Variants in KIAA0040 observed in about 807,000 individuals in gnomAD.
The protein encoded by KIAA0040 is uncharacterized protein KIAA0040.
In KIAA0040, 10 loss-of-function variants were observed where a neutral mutation model predicts 7.2. That is an observed-to-expected ratio of 1.38 (90% confidence interval 0.85 to 2.34). The LOEUF (loss-of-function observed/expected upper bound fraction) is 2.34, where lower values mean the gene tolerates loss of function less well. Ranked by LOEUF, KIAA0040 falls within the 30% of genes most tolerant of loss-of-function variation. KIAA0040 has a pLI of 0.00. For synonymous variants in KIAA0040, 49 were observed against 40.1 expected (o/e 1.22, Z -0.84); for missense variants, 89 against 108.2 (o/e 0.82, Z 0.79).
intron 1 of KIAA0040, among the ~76,000 whole-genome samples, chr1:175,191,608 A>G (rs1677869240): frequency 1.3e-5 from 2 of 152,356 alleles, no homozygotes; most frequent in South Asian, 4.1e-4. Flanking sequence ...GAACTTGCAA[A>G]CCATTTGCAA....
chr1:175,167,620 A>C (rs1676817599), intron 2 of KIAA0040, among the ~76,000 whole-genome samples: 1 of 152,058 alleles, frequency 6.6e-6, no homozygotes, highest in South Asian at 2.1e-4. Context: ...CATAAAGAAC[A>C]CTCTCTCTGA....
intron 2 of KIAA0040, among the ~76,000 whole-genome samples, chr1:175,177,007 T>C (rs1205737223): frequency 6.6e-6 from 1 of 152,180 alleles, no homozygotes; most frequent in Non-Finnish European, 1.5e-5. Flanking sequence ...CCCCTCATTC[T>C]TTCCCATCCA....
Position 175,160,788 on chromosome 1 carries a change from C to CCTT in KIAA0040, c.223_225dup (p.Lys75dup), listed in dbSNP as rs150137790. 0.15 allele frequency: 206,735 copies of CCTT among 1,424,472 alleles called. 4,836 individuals carry two copies. Among genetic ancestry groups the CCTT allele is most frequent in the East Asian group, 0.27 (10,557 of 39,152 alleles). The allele number at this position is 1,424,472 out of a possible 1,614,324, so 88.2% of individuals were successfully genotyped here. A position where few individuals can be genotyped will look rare whatever the true frequency, so the allele number is the denominator to read the frequency against. ...GCAGAGATCCAGAGGTCTTCTTCAT[C>CCTT]CTTCTTCTTCTTCTTCTTCTTCTTC... is the stretch of plus-strand genomic sequence containing the variant. On this transcript the variant is annotated inframe_insertion, in exon 4 of 4. Coordinates refer to ENST00000423313, the MANE Select transcript of KIAA0040 (RefSeq NM_014656.3).
chr1:175,175,857 C>A (rs1450669276), intron 2 of KIAA0040, among the ~76,000 whole-genome samples: 1 of 151,860 alleles, frequency 6.6e-6, no homozygotes, highest in Non-Finnish European at 1.5e-5. Context: ...AGGGGAACAT[C>A]ACACACTGGG....
In KIAA0040 at chr1:175,161,033, G is replaced by C; in HGVS notation, c.-20C>G. 6.5e-7 allele frequency: 1 copy of C among 1,538,330 alleles called. No individual in the cohort carries two copies. The highest frequency in any genetic ancestry group is 2.5e-5 in the East Asian group (1 of 40,720). On this transcript the variant is annotated 5_prime_UTR_variant, in exon 4 of 4. Coordinates refer to ENST00000423313, the MANE Select transcript of KIAA0040 (RefSeq NM_014656.3). ...CTCCATGGTGCTTGGCTAGATTAGG[G>C]CCAGAGAACCCTCTCGGCTTACAAG...
Position 175,190,916 on chromosome 1 carries a change from T to C in KIAA0040, c.-384+1724A>G, listed in dbSNP as rs761404979. On this transcript the variant is annotated intron_variant, in intron 1 of 3. Coordinates refer to ENST00000423313, the MANE Select transcript of KIAA0040 (RefSeq NM_014656.3). ...TACCTGCCATTGACTTTGCATACCC[T>C]CTTTCCTTTGTTCAAAACACACTTT... Among the ~76,000 whole-genome samples the C allele has an allele frequency of 2.4e-4, 37 of 152,182 alleles. 1 individual carries two copies. The highest frequency in any genetic ancestry group is 6.5e-4 in the Admixed American group (10 of 15,284).
chr1:175,167,563 G>C (rs1676815462), intron 2 of KIAA0040, among the ~76,000 whole-genome samples: 1 of 152,200 alleles, frequency 6.6e-6, no homozygotes, highest in South Asian at 2.1e-4. Flanking sequence ...TTTGCTGTGA[G>C]AGCCACGGGG....
At chr1:175,162,783 T>A (rs2101876398) in intron 3 of KIAA0040, among the ~76,000 whole-genome samples, 1 of 152,338 alleles carries the variant, frequency 6.6e-6, no homozygotes, top group Middle Eastern at 3.4e-3. Flanking sequence ...AGTCCTAGTC[T>A]GCTGGCATGT....
intron 3 of KIAA0040, among the ~76,000 whole-genome samples, chr1:175,162,889 T>C (rs143124767): frequency 1.8e-3 from 273 of 152,298 alleles, no homozygotes; most frequent in Admixed American, 3.7e-3. Flanking sequence ...CCCAAAGAAA[T>C]GTTATAGGAT....
chr1:175,168,917 T>C (rs1284346138), intron 2 of KIAA0040, among the ~76,000 whole-genome samples: 1 of 152,204 alleles, frequency 6.6e-6, no homozygotes, highest in African/African-American at 2.4e-5. Flanking sequence ...CCCTCCCTGT[T>C]CTCTCTCTGC....
chr1:175,182,100 A>G (rs1677463045), intron 1 of KIAA0040, among the ~76,000 whole-genome samples: 1 of 152,162 alleles, frequency 6.6e-6, no homozygotes, highest in African/African-American at 2.4e-5. Flanking sequence ...CTCTCCCTCC[A>G]TACATCATAA....
intron 3 of KIAA0040, among the ~76,000 whole-genome samples, chr1:175,165,852 T>C (rs1230312262): frequency 1.3e-5 from 2 of 152,210 alleles, no homozygotes; most frequent in East Asian, 3.8e-4. Flanking sequence ...CTTCCGGTGC[T>C]CTCCAAGAAG....
upstream of KIAA0040, chr1:175,192,817 G>GCCCCCCCC (rs1558405268): frequency 2.1e-4 from 26 of 123,512 alleles, no homozygotes; most frequent in South Asian, 5.6e-4. Context: ...CGTGGGAGCC[G>GCCCCCCCC]CCCGCCCCGC....
At chr1:175,166,176 G>A (rs979897616) in intron 3 of KIAA0040, among the ~76,000 whole-genome samples, 2 of 152,112 alleles carry the variant, frequency 1.3e-5, no homozygotes, top group African/African-American at 4.8e-5. Context: ...ACTGACAGTT[G>A]GGAGCAAAGA....
intron 2 of KIAA0040, among the ~76,000 whole-genome samples, chr1:175,171,723 C>G (rs1171511445): frequency 6.6e-6 from 1 of 152,184 alleles, no homozygotes; most frequent in Admixed American, 6.5e-5. Context: ...AATCACCTAC[C>G]TTCCTTTTGC....
intron 3 of KIAA0040, among the ~76,000 whole-genome samples, chr1:175,162,403 C>G (rs1269406341): frequency 6.6e-6 from 1 of 152,018 alleles, no homozygotes; most frequent in African/African-American, 2.4e-5. Flanking sequence ...CCACACAGGC[C>G]CACCCAGACC....
chr1:175,162,491 T>C (rs535779694), intron 3 of KIAA0040, among the ~76,000 whole-genome samples: 1 of 152,196 alleles, frequency 6.6e-6, no homozygotes, highest in East Asian at 1.9e-4. Flanking sequence ...ATGACAATGA[T>C]GTCACTTTAT....
chr1:175,163,576 G>A (rs895923086), intron 3 of KIAA0040, among the ~76,000 whole-genome samples: 1 of 152,206 alleles, frequency 6.6e-6, no homozygotes. Context: ...CGGTGATGCT[G>A]TATCTCAGGC....
chr1:175,162,944 A>G (rs946158031), intron 3 of KIAA0040, among the ~76,000 whole-genome samples: 2 of 152,248 alleles, frequency 1.3e-5, no homozygotes, highest in Non-Finnish European at 2.9e-5. Context: ...GTAATTATAT[A>G]CCAGGCACTT....
Sources: allele counts gnomAD v4.1 joint callset (sites outside exome capture counted in the v4.1 genomes callset), GRCh38; gene constraint gnomAD v4.1.1; transcripts MANE v1.5; gene names NCBI Gene and HGNC (gene_info 2026-07-23, HGNC 2026-07-21).